ACAT2: variants seen among roughly 807,000 people sequenced by gnomAD.
ACAT2 encodes the protein acetyl-CoA acetyltransferase, cytosolic.
In ACAT2, 26 loss-of-function variants were observed where a neutral mutation model predicts 37.1. The observed-to-expected ratio is 0.70, with a 90% CI of 0.51 to 0.97. ACAT2 has a LOEUF of 0.97. Ranked by LOEUF, ACAT2 falls within the 50% of genes least tolerant of loss-of-function variation. ACAT2 has a pLI of 0.00. For synonymous variants in ACAT2, 156 were observed against 163.6 expected (o/e 0.95, Z 0.35); for missense variants, 468 against 489.0 (o/e 0.96, Z 0.40).
chr6:159,766,188 A>G (rs1294234216), intron 2 of ACAT2, among the ~76,000 whole-genome samples: 2 of 152,256 alleles, frequency 1.3e-5, no homozygotes, highest in Non-Finnish European at 2.9e-5. Flanking sequence ...ATATTTTGTT[A>G]TATAACCATT....
At chr6:159,778,546 A>AT (rs1364047607) in intron 8 of ACAT2, 113 bp from the exon 9 acceptor site, 2 of 1,220,416 alleles carry the variant, frequency 1.6e-6, no homozygotes, top group African/African-American at 3.0e-5. Flanking sequence ...TAAAATGAAA[A>AT]TTTGAGTTTG....
intron 7 of ACAT2, among the ~76,000 whole-genome samples, chr6:159,777,810 T>C (rs1780453425): frequency 6.6e-6 from 1 of 152,160 alleles, no homozygotes; most frequent in African/African-American, 2.4e-5. Flanking sequence ...GCTCCCCAAG[T>C]GTTGAGATTT....
At chr6:159,775,372 AAG>A in intron 5 of ACAT2, 59 bp downstream of exon 5, 1 of 1,562,052 alleles carries the variant, frequency 6.4e-7, no homozygotes, top group Non-Finnish European at 8.8e-7. Flanking sequence ...TAACATCTAA[AAG>A]AGTAATACAT....
At chr6:159,769,313 G>A (rs1273198610) in intron 4 of ACAT2, among the ~76,000 whole-genome samples, 1 of 152,114 alleles carries the variant, frequency 6.6e-6, no homozygotes, top group South Asian at 2.1e-4. Flanking sequence ...ACCACTTCTC[G>A]ACTTACAGCC....
At position 159,776,234 on chromosome 6, in the gene ACAT2, C is replaced by G. The variant is rs1468611034; in HGVS notation, c.719C>G (p.Thr240Ser). The change falls in exon 6 of 9, where the codon ACT (threonine) becomes AGT (serine). Residue 240 changes from threonine (T) to serine (S), a missense_variant. Transcript: ENST00000367048. ...AMSKLKPYFL[T>S]DGTGTVTPAN... ...TCCAAGCTAAAGCCTTACTTTCTTA[C>G]TGATGGAACGGGAACAGTCACCCCA... 6.2e-7 allele frequency: 1 copy of G among 1,614,024 alleles called. No individual in the cohort carries two copies. The highest frequency in any genetic ancestry group is 1.3e-5 in the African/African-American group (1 of 74,914).
intron 3 of ACAT2, among the ~76,000 whole-genome samples, chr6:159,767,558 A>G (rs1212177180): frequency 6.6e-6 from 1 of 152,234 alleles, no homozygotes; most frequent in Non-Finnish European, 1.5e-5. Flanking sequence ...GCACATGACA[A>G]GGAGATCCTG....
rs576216065 is a variant in ACAT2, at chr6:159,772,041, C to T, written c.491-3129C>T. Reference sequence around the variant, plus strand: ...GAGATTGAGACCATCCTGGCTAACACGGTGAAACCCCATCTCTACTAAAAC... The same window carrying T: ...GAGATTGAGACCATCCTGGCTAACATGGTGAAACCCCATCTCTACTAAAAC... On this transcript the variant is annotated intron_variant, in intron 4 of 8. Transcript: ENST00000367048. Among the ~76,000 whole-genome samples, 34 of 152,122 alleles carry T rather than the reference C, an allele frequency of 2.2e-4. No individual in the cohort carries two copies. The South Asian group carries it at 2.5e-3, about 11-fold the overall frequency.
chr6:159,777,522 T>C (rs1228002688), intron 7 of ACAT2, 66 bp downstream of exon 7: 1 of 1,486,034 alleles, frequency 6.7e-7, no homozygotes, highest in East Asian at 2.4e-5. Flanking sequence ...AGCTTATTCA[T>C]GTAGTTAGCT....
At chr6:159,777,199 C>T in intron 6 of ACAT2, 103 bp from the exon 7 acceptor site, 1 of 1,288,280 alleles carries the variant, frequency 7.8e-7, no homozygotes, top group African/African-American at 1.5e-5. Context: ...CCTTAGCCAA[C>T]AGGTAAAATC....
In ACAT2 at chr6:159,768,634, G is replaced by A. The variant is rs1165446710; in HGVS notation, c.490+6G>A. On this transcript the variant is annotated splice_donor_region_variant and intron_variant, in intron 4 of 8. Coordinates refer to ENST00000367048, the MANE Select transcript of ACAT2 (RefSeq NM_005891.3). ...CTGTCATATGGGTATTACAGGTAAG[G>A]CAGACATGGCTGAAACTGTATTAGC... is the stretch of plus-strand genomic sequence containing the variant. The A allele has an allele frequency of 6.4e-7, 1 of 1,573,380 alleles. No homozygotes were observed. Among genetic ancestry groups the A allele is most frequent in the East Asian group, 2.2e-5 (1 of 44,694 alleles).
chr6:159,763,917 C>T (rs998781382), intron 2 of ACAT2, among the ~76,000 whole-genome samples: 1 of 151,978 alleles, frequency 6.6e-6, no homozygotes, highest in Non-Finnish European at 1.5e-5. Flanking sequence ...CTGGCTGACA[C>T]GGTGAAACCC....
intron 4 of ACAT2, among the ~76,000 whole-genome samples, chr6:159,771,253 G>A (rs561142165): frequency 2.0e-5 from 3 of 152,158 alleles, no homozygotes; most frequent in Non-Finnish European, 4.4e-5. Context: ...GGTGGCGCAT[G>A]CCTGTAATCC....
intron 4 of ACAT2, among the ~76,000 whole-genome samples, chr6:159,768,995 T>G (rs951446392): frequency 4.6e-5 from 7 of 152,310 alleles, no homozygotes; most frequent in Middle Eastern, 3.4e-3. Flanking sequence ...TCATTCATGC[T>G]GAAGGGTCCT....
At chr6:159,762,594 G>A (rs1410508076) in intron 1 of ACAT2, 2 of 1,380,058 alleles carry the variant, frequency 1.4e-6, no homozygotes, top group African/African-American at 2.9e-5. Context: ...GTGCCGCATG[G>A]TTTTCAACGC....
At chr6:159,767,474 T>C (rs1187700504) in intron 3 of ACAT2, among the ~76,000 whole-genome samples, 1 of 152,238 alleles carries the variant, frequency 6.6e-6, no homozygotes, top group Non-Finnish European at 1.5e-5. Flanking sequence ...ATTAGTTGCT[T>C]GATGTCCTTG....
Position 159,767,046 on chromosome 6 carries a change from G to A in ACAT2, c.232G>A (p.Gly78Arg). 2 of 1,614,120 alleles carry A rather than the reference G, an allele frequency of 1.2e-6. No homozygotes were observed. Among genetic ancestry groups the A allele is most frequent in the Non-Finnish European group, 1.7e-6 (2 of 1,179,960 alleles). The change falls in exon 3 of 9, where the codon GGA (glycine) becomes AGA (arginine). Residue 78 changes from glycine (G) to arginine (R), a missense_variant. Coordinates refer to ENST00000367048, the MANE Select transcript of ACAT2 (RefSeq NM_005891.3). ...TGTTAGACAAGCCAGTGTGGGTGCA[G>A]GAATTCCCTACTCTGTTCCAGCATG... ...NPVRQASVGAGIPYSVPAWSC... is the reference protein window; with the variant it reads ...NPVRQASVGARIPYSVPAWSC...
At chr6:159,773,163 A>T (rs1780364435) in intron 4 of ACAT2, among the ~76,000 whole-genome samples, 1 of 152,182 alleles carries the variant, frequency 6.6e-6, no homozygotes, top group African/African-American at 2.4e-5. Context: ...CAATTCTCAC[A>T]TTTGTAGAAG....
chr6:159,775,206 A>C lies in ACAT2; in HGVS notation c.527A>C (p.Glu176Ala). 2 of 1,614,124 alleles carry C rather than the reference A, an allele frequency of 1.2e-6. No individual in the cohort carries two copies. The highest frequency in any genetic ancestry group is 1.7e-6 in the Non-Finnish European group (2 of 1,179,990). Reference protein sequence around the residue: ...NVAKKWQVSREDQDKVAVLSQ... With the variant: ...NVAKKWQVSRADQDKVAVLSQ... ...GCCAAAAAATGGCAAGTGAGTAGAGAAGATCAGGACAAGGTTGCAGTTCTG... is the reference window on the plus strand; with the variant it reads ...GCCAAAAAATGGCAAGTGAGTAGAGCAGATCAGGACAAGGTTGCAGTTCTG... The change falls in exon 5 of 9, where the codon GAA (glutamate) becomes GCA (alanine). Residue 176 changes from glutamate (E) to alanine (A), a missense_variant. Coordinates refer to ENST00000367048, the MANE Select transcript of ACAT2 (RefSeq NM_005891.3).
intron 7 of ACAT2, 114 bp from the exon 8 acceptor site, chr6:159,778,056 A>C: frequency 1.5e-6 from 1 of 688,356 alleles, no homozygotes; most frequent in African/African-American, 1.8e-5. Flanking sequence ...CTAAGAACAA[A>C]CCAAAGTAGC....
Sources: gnomAD v4.1 joint callset for allele counts (sites outside exome capture counted in the v4.1 genomes callset) on GRCh38, gnomAD v4.1.1 for gene constraint, MANE v1.5 for transcripts, NCBI Gene and HGNC (gene_info 2026-07-23, HGNC 2026-07-21) for gene names.